The following TMPRSS4 variants were observed in gnomAD, a reference collection of about 807,000 sequenced individuals.
TMPRSS4 encodes transmembrane protease serine 4.
A neutral mutation model predicts 56.4 loss-of-function variants in TMPRSS4; 45 were observed. That is an observed-to-expected ratio of 0.80 (90% CI 0.63 to 1.02). TMPRSS4 has a LOEUF of 1.02. Ranked by LOEUF, TMPRSS4 falls within the 50% of genes least tolerant of loss-of-function variation. The probability of loss-of-function intolerance (pLI) is 0.00; values close to 1 mark genes in which losing one functional copy is unlikely to be tolerated. For missense variants in TMPRSS4, 546 were observed against 556.7 expected, an observed-to-expected ratio of 0.98 and a Z score of 0.19; for synonymous variants, 205 against 211.0, an observed-to-expected ratio of 0.97 and a Z score of 0.25.
At chr11:118,088,012 GGA>G (rs3837424) in intron 1 of TMPRSS4, among the ~76,000 whole-genome samples, 20,549 of 152,200 alleles carry the variant, frequency 0.14, 1,828 homozygotes, top group East Asian at 0.24. Flanking sequence ...AGGAAGAGCT[GGA>G]GAGATGCTGG....
chr11:118,081,888 G>A (rs996280856), intron 1 of TMPRSS4, among the ~76,000 whole-genome samples: 4 of 152,174 alleles, frequency 2.6e-5, no homozygotes, highest in Non-Finnish European at 5.9e-5. Flanking sequence ...GATGGAACAG[G>A]AGCAGGGGAG....
At chr11:118,103,025 G>T (rs1435534832) in intron 3 of TMPRSS4, 76 bp from the exon 4 acceptor site, 4 of 1,565,880 alleles carry the variant, frequency 2.6e-6, no homozygotes, top group Non-Finnish European at 3.5e-6. Context: ...CAGCACTATC[G>T]CCAGGAAAAC....
chr11:118,115,107 G>A (rs1947471969), intron 10 of TMPRSS4, 31 bp from the exon 11 acceptor site: 2 of 1,601,694 alleles, frequency 1.2e-6, no homozygotes, highest in East Asian at 2.2e-5. Context: ...AGAAGGCAAG[G>A]ATGGGAATGT....
chr11:118,114,705 G>T, intron 9 of TMPRSS4, 124 bp from the exon 10 acceptor site: 1 of 1,066,662 alleles, frequency 9.4e-7, no homozygotes, highest in Non-Finnish European at 1.4e-6. Flanking sequence ...CTATCTGCAG[G>T]AATTAGCTAA....
chr11:118,098,159 G>A (rs536593432), intron 2 of TMPRSS4, among the ~76,000 whole-genome samples: 22 of 152,270 alleles, frequency 1.4e-4, no homozygotes, highest in East Asian at 5.8e-4. Context: ...ATAAAACCCA[G>A]GCTCCTTAGC....
intron 5 of TMPRSS4, chr11:118,106,320 G>A (rs189133509): frequency 1.3e-5 from 2 of 152,152 alleles, no homozygotes; most frequent in Non-Finnish European, 2.9e-5. Flanking sequence ...TGGAATTGGT[G>A]AACAGAAGTT....
At chr11:118,110,546 T>G (rs1310900552) in intron 7 of TMPRSS4, among the ~76,000 whole-genome samples, 1 of 152,196 alleles carries the variant, frequency 6.6e-6, no homozygotes, top group Non-Finnish European at 1.5e-5. Flanking sequence ...CTAATTTTTG[T>G]ATTTTTAGTA....
intron 9 of TMPRSS4, among the ~76,000 whole-genome samples, chr11:118,114,045 T>G (rs1279381566): frequency 6.6e-6 from 1 of 152,270 alleles, no homozygotes; most frequent in African/African-American, 2.4e-5. Context: ...CACATTAGTT[T>G]ATTAAAGGTA....
intron 1 of TMPRSS4, among the ~76,000 whole-genome samples, chr11:118,084,254 G>T (rs1232430094): frequency 1.3e-5 from 2 of 152,130 alleles, no homozygotes; most frequent in African/African-American, 4.8e-5. Flanking sequence ...GACCTAGGCT[G>T]CAGGATTCCA....
chr11:118,099,691 C>T (rs1946637639), intron 3 of TMPRSS4, among the ~76,000 whole-genome samples: 1 of 152,146 alleles, frequency 6.6e-6, no homozygotes, highest in Non-Finnish European at 1.5e-5. Context: ...CCCTCCTTCC[C>T]ATCTTCTGCA....
intron 4 of TMPRSS4, among the ~76,000 whole-genome samples, chr11:118,103,538 C>A (rs974843037): frequency 2.6e-5 from 4 of 152,130 alleles, no homozygotes; most frequent in Non-Finnish European, 4.4e-5. Context: ...CCAGCCACCA[C>A]GCCTGGCTAA....
intron 1 of TMPRSS4, among the ~76,000 whole-genome samples, chr11:118,078,203 A>G (rs1944845571): frequency 6.6e-6 from 1 of 152,040 alleles, no homozygotes; most frequent in Non-Finnish European, 1.5e-5. Context: ...AATCAACCCT[A>G]TCTTTCAAGG....
chr11:118,078,752 G>A (rs1944890081), intron 1 of TMPRSS4, among the ~76,000 whole-genome samples: 1 of 152,170 alleles, frequency 6.6e-6, no homozygotes, highest in South Asian at 2.1e-4. Flanking sequence ...ACTAACTGCA[G>A]AATCAGAAGG....
intron 1 of TMPRSS4, chr11:118,086,698 C>T (rs1216356111): frequency 6.5e-6 from 1 of 153,072 alleles, no homozygotes; most frequent in Non-Finnish European, 1.5e-5. Flanking sequence ...AGGAAACTCA[C>T]TCCCTCCTCT....
In TMPRSS4 at chr11:118,099,115, A is replaced by G; in HGVS notation, c.157+17A>G. 2 of 1,604,918 alleles carry G rather than the reference A, an allele frequency of 1.2e-6. No individual in the cohort carries two copies. The highest frequency in any genetic ancestry group is 1.7e-6 in the Non-Finnish European group (2 of 1,172,170). On this transcript the variant is annotated intron_variant, in intron 3 of 12. Transcript: ENST00000437212. ...TTGTCCTCAGTAAGTGACAGCCCGT[A>G]CCCGACTTTCACCCTCTAAGTAAAT...
chr11:118,099,232 C>A, intron 3 of TMPRSS4, 134 bp downstream of exon 3: 1 of 643,064 alleles, frequency 1.6e-6, no homozygotes. Flanking sequence ...GGCAGTCCCA[C>A]CCCTGCCCTC....
At chr11:118,106,047 C>G (rs1309498916) in intron 5 of TMPRSS4, 1 of 152,104 alleles carries the variant, frequency 6.6e-6, no homozygotes, top group Non-Finnish European at 1.5e-5. Flanking sequence ...TGCCCAGCAC[C>G]TGCTATTCTC....
At position 118,105,433 on chromosome 11, in the gene TMPRSS4, A is replaced by G. The variant is rs1368784913; in HGVS notation, c.440+613A>G. On this transcript the variant is annotated intron_variant, in intron 5 of 12. Coordinates refer to ENST00000437212, the MANE Select transcript of TMPRSS4 (RefSeq NM_019894.4). ...AAGATAGTTATTATATCTTATATAT[A>G]GATATATATTATATCTATTTCATAA... 5 of 151,984 alleles carry G rather than the reference A, an allele frequency of 3.3e-5. No homozygotes were observed. In the East Asian group the frequency reaches 9.6e-4, roughly 29 times the overall value. The allele number at this position is 151,984 out of a possible 1,614,324, so 9.4% of individuals were successfully genotyped here.
In TMPRSS4 at chr11:118,110,127, G is replaced by A. The variant is rs536033006; in HGVS notation, c.583+1231G>A. Among the ~76,000 whole-genome samples the A allele has an allele frequency of 5.9e-5, 9 of 152,278 alleles. No homozygotes were observed. The South Asian group carries it at 1.7e-3, about 28-fold the overall frequency. ...CTAAACACTGAAAAATGCATCTGTA[G>A]GCTCAAGGAGGAAAAGCCCATGTCT... On this transcript the variant is annotated intron_variant, in intron 7 of 12. Transcript: ENST00000437212.
Sources: gnomAD v4.1 joint callset for allele counts (sites outside exome capture counted in the v4.1 genomes callset) on GRCh38, gnomAD v4.1.1 for gene constraint, MANE v1.5 for transcripts, NCBI Gene and HGNC (gene_info 2026-07-23, HGNC 2026-07-21) for gene names.